Variants in GPHN observed in about 807,000 individuals in gnomAD.
The protein encoded by GPHN is gephyrin.
In GPHN, 17 loss-of-function variants were observed where a neutral mutation model predicts 95.5. That is an observed-to-expected ratio of 0.18 (90% CI 0.12 to 0.27). GPHN has a LOEUF of 0.27. Ranked by LOEUF, GPHN falls within the 10% of genes least tolerant of loss-of-function variation. The pLI, the probability that GPHN is intolerant of heterozygous loss-of-function variation, is 1.00. For synonymous variants in GPHN, 320 were observed against 322.5 expected (o/e 0.99, Z 0.08); for missense variants, 660 against 978.1 (o/e 0.67, Z 4.34).
Position 66,916,046 on chromosome 14 carries a change from C to A in GPHN, c.433C>A (p.Pro145Thr). 1.3e-6 allele frequency: 2 copies of A among 1,599,506 alleles called. No homozygotes were observed. The highest frequency in any genetic ancestry group is 1.7e-6 in the Non-Finnish European group (2 of 1,166,786). ...IRGKTLIINL[P>T]GSKKGSQECF... ...AGGGAAAACGCTCATAATTAACCTG[C>A]CAGGTAGCAAGAAAGGATCTCAGGT... The change falls in exon 6 of 23, where the codon CCA (proline) becomes ACA (threonine). Residue 145 changes from proline to threonine, a missense_variant. Physicochemically the swap from Pro to Thr is conservative, Grantham distance 38. Transcript: ENST00000478722.
At chr14:66,918,423 G>T (rs1041892021) in intron 6 of GPHN, among the ~76,000 whole-genome samples, 1 of 152,086 alleles carries the variant, frequency 6.6e-6, no homozygotes, top group Non-Finnish European at 1.5e-5. Flanking sequence ...GTAGAAAGTG[G>T]GGTCAGAAGG....
chr14:67,038,429 A>G (rs2074538219), intron 10 of GPHN, among the ~76,000 whole-genome samples: 1 of 152,128 alleles, frequency 6.6e-6, no homozygotes, highest in South Asian at 2.1e-4. Context: ...AAATACTTAA[A>G]AATTGTTTAA....
chr14:66,832,739 A>G (rs2061628868), intron 4 of GPHN, among the ~76,000 whole-genome samples: 6 of 152,168 alleles, frequency 3.9e-5, no homozygotes, highest in Admixed American at 1.3e-4. Context: ...AAATAGTCAT[A>G]TGACAATTCA....
intron 2 of GPHN, chr14:66,760,596 T>A (rs558364515): frequency 4.9e-5 from 19 of 389,044 alleles, no homozygotes; most frequent in Admixed American, 6.8e-5. Flanking sequence ...ATGATGTTCA[T>A]CCACAATGAT....
chr14:67,127,160 G>A (rs1012852179), intron 17 of GPHN, among the ~76,000 whole-genome samples: 29 of 151,210 alleles, frequency 1.9e-4, no homozygotes, highest in African/African-American at 6.8e-4. Context: ...GCTAGAAGAC[G>A]AGTTAGTGGG....
the GPHN span, among the ~76,000 whole-genome samples, chr14:67,305,955 C>G: frequency 6.6e-6 from 1 of 152,200 alleles, no homozygotes; most frequent in East Asian, 1.9e-4. Flanking sequence ...AATGCCACAT[C>G]TATCCCTTTT....
chr14:66,752,064 A>G (rs1467817603), intron 2 of GPHN, among the ~76,000 whole-genome samples: 1 of 152,126 alleles, frequency 6.6e-6, no homozygotes, highest in Admixed American at 6.6e-5. Context: ...TCATGAAGCA[A>G]CTTCTGCTAG....
At chr14:66,878,809 G>A (rs1348006170) in intron 4 of GPHN, among the ~76,000 whole-genome samples, 3 of 152,100 alleles carry the variant, frequency 2.0e-5, no homozygotes, top group Non-Finnish European at 4.4e-5. Flanking sequence ...ACAGTGTGGC[G>A]ATTCCTCAAG....
At chr14:67,061,117 C>T (rs1228979357) in intron 11 of GPHN, among the ~76,000 whole-genome samples, 15 of 152,078 alleles carry the variant, frequency 9.9e-5, no homozygotes, top group African/African-American at 3.6e-4. Flanking sequence ...TCTCGGTTCA[C>T]GGCAACCTCC....
chr14:66,842,083 C>T (rs1230484746), intron 4 of GPHN, among the ~76,000 whole-genome samples: 1 of 148,870 alleles, frequency 6.7e-6, no homozygotes, highest in Non-Finnish European at 1.5e-5. Flanking sequence ...CCCAGCCCCG[C>T]CCAAAAAAAG....
the GPHN span, chr14:67,359,778 C>T: frequency 3.9e-6 from 6 of 1,535,154 alleles, no homozygotes; most frequent in Non-Finnish European, 5.4e-6. Flanking sequence ...TCCACAGTGT[C>T]TTCCTCTACG....
At chr14:67,393,897 A>C in the GPHN span, among the ~76,000 whole-genome samples, 1 of 152,178 alleles carries the variant, frequency 6.6e-6, no homozygotes, top group Non-Finnish European at 1.5e-5. Flanking sequence ...TTTCCCAAAA[A>C]AGCTTGCTAT....
chr14:67,322,995 T>C, the GPHN span, among the ~76,000 whole-genome samples: 1 of 152,158 alleles, frequency 6.6e-6, no homozygotes, highest in Non-Finnish European at 1.5e-5. Flanking sequence ...TTATATTTAG[T>C]GTCTGGCACA....
Position 66,723,316 on chromosome 14 carries a change from T to TTTATAAAAGGTTATAACCTTTTGG in GPHN, c.143+42145_143+42168dup, listed in dbSNP as rs1038566653. ...TAAATATAAACTTTTATAAATTATA[T>TTTATAAAAGGTTATAACCTTTTGG]TTATAAAAGGTTATAACCTTTTGGT... On this transcript the variant is annotated intron_variant, in intron 2 of 22. Coordinates refer to ENST00000478722, the MANE Select transcript of GPHN (RefSeq NM_020806.5). Among the ~76,000 whole-genome samples the TTTATAAAAGGTTATAACCTTTTGG allele has an allele frequency of 5.1e-4, 78 of 151,512 alleles. 1 individual carries two copies. The highest frequency in any genetic ancestry group is 9.1e-4 in the Non-Finnish European group (62 of 67,866).
intron 10 of GPHN, among the ~76,000 whole-genome samples, chr14:67,054,713 A>G (rs770456767): frequency 1.3e-5 from 2 of 152,222 alleles, no homozygotes; most frequent in Non-Finnish European, 2.9e-5. Flanking sequence ...CTACAAGGCT[A>G]TAGTAACCAA....
the GPHN span, chr14:67,570,406 T>G: frequency 5.3e-6 from 2 of 378,136 alleles, no homozygotes; most frequent in Non-Finnish European, 7.3e-6. Flanking sequence ...AGAATTGCAA[T>G]ATTTTCATAC....
chr14:67,038,296 G>T (rs1252603599), intron 10 of GPHN, among the ~76,000 whole-genome samples: 1 of 152,002 alleles, frequency 6.6e-6, no homozygotes, highest in African/African-American at 2.4e-5. Context: ...GGGGCTGGGA[G>T]GAGAGGGAAA....
At chr14:67,727,297 T>C in the GPHN span, 3 of 818,054 alleles carry the variant, frequency 3.7e-6, no homozygotes, top group Non-Finnish European at 6.1e-6. Context: ...CAGTAATATC[T>C]CTGTGGACTA....
At chr14:67,720,228 G>C in the GPHN span, among the ~76,000 whole-genome samples, 2 of 152,114 alleles carry the variant, frequency 1.3e-5, no homozygotes, top group Non-Finnish European at 1.5e-5. Flanking sequence ...TATTTCAATT[G>C]GGTTGTTATT....
Sources: gnomAD v4.1 joint callset for allele counts (sites outside exome capture counted in the v4.1 genomes callset) on GRCh38, gnomAD v4.1.1 for gene constraint, MANE v1.5 for transcripts, NCBI Gene and HGNC (gene_info 2026-07-23, HGNC 2026-07-21) for gene names.